The following EPB42 variants were observed in gnomAD, a reference collection of about 807,000 sequenced individuals.
EPB42 encodes erythrocyte membrane protein band 4.2, also known as protein 4.2.
EPB42 carries 49 observed loss-of-function variants against 76.9 expected under a neutral mutation model. That is an observed-to-expected ratio of 0.64 (90% CI 0.51 to 0.81). The LOEUF is 0.81. EPB42 is among the 30% of genes least tolerant of loss of function. EPB42 has a pLI of 0.00. For missense variants in EPB42, 731 were observed against 867.6 expected, an observed-to-expected ratio of 0.84 and a Z score of 1.98; for synonymous variants, 310 against 338.4, an observed-to-expected ratio of 0.92 and a Z score of 0.92.
chr15:43,207,663 A>G (rs1403586878), intron 8 of EPB42, among the ~76,000 whole-genome samples: 1 of 152,244 alleles, frequency 6.6e-6, no homozygotes, highest in East Asian at 1.9e-4. Flanking sequence ...CCCTGGCAGA[A>G]GCCCTCTCAG....
At chr15:43,208,803 G>C in intron 6 of EPB42, 28 bp from the exon 7 acceptor site, 1 of 1,611,344 alleles carries the variant, frequency 6.2e-7, no homozygotes, top group Non-Finnish European at 8.5e-7. Flanking sequence ...GAGTGTCAGG[G>C]GGCGCTTGAG....
upstream of EPB42, among the ~76,000 whole-genome samples, chr15:43,221,307 G>A (rs2042458051): frequency 2.0e-5 from 3 of 152,312 alleles, no homozygotes; most frequent in African/African-American, 4.8e-5. Flanking sequence ...GGCCCTAAAC[G>A]TGACAGGGGC....
intron 3 of EPB42, 44 bp from the exon 4 acceptor site, chr15:43,211,578 G>A: frequency 7.7e-7 from 1 of 1,299,042 alleles, no homozygotes. Context: ...GGGGTCCTAG[G>A]TCCACCCTCC....
Position 43,197,484 on chromosome 15 carries a change from A to G in EPB42, c.1914-20T>C, listed in dbSNP as rs755497036. 4 of 1,613,510 alleles carry G rather than the reference A, an allele frequency of 2.5e-6. No homozygotes were observed. Among genetic ancestry groups the G allele is most frequent in the Non-Finnish European group, 3.4e-6 (4 of 1,180,008 alleles). On this transcript the variant is annotated intron_variant, in intron 12 of 12. Transcript: ENST00000441366. ...CGGAATCTGAAATAAAGGAAAAGGC[A>G]GGTGCTAGTTCTGTCCCAGGTTCAT...
At position 43,207,354 on chromosome 15, in the gene EPB42, G is replaced by T; in HGVS notation, c.1163C>A (p.Ala388Asp). 6.2e-7 allele frequency: 1 copy of T among 1,614,172 alleles called. No homozygotes were observed. The highest frequency in any genetic ancestry group is 8.5e-7 in the Non-Finnish European group (1 of 1,180,024). Residue 388 changes from alanine to aspartate, a missense_variant, in exon 9 of 13, where the codon GCC becomes GAC. Physicochemically the swap from Ala to Asp is moderately radical, Grantham distance 126. Transcript: ENST00000441366. ...CCAGACCACACATGAGGCATTTATG[G>T]CAGCAAAAAGGTCTGACACTGCTGG... ...LTPAVSDLFAAINASCVVWKC... is the reference protein window; with the variant it reads ...LTPAVSDLFADINASCVVWKC...
Position 43,197,403 on chromosome 15 carries a change from C to T in EPB42, c.1975G>A (p.Val659Met), listed in dbSNP as rs376038930. Residue 659 changes from valine to methionine, a missense_variant, in exon 13 of 13, where the codon GTG (valine) becomes ATG (methionine). Transcript: ENST00000441366. ...CAKFQFTPTH[V>M]GLQRLTVEVD... ...TCCACAGTGAGTCTCTGGAGCCCCA[C>T]ATGTGTTGGCGTGAACTGGAACTTG... The T allele has an allele frequency of 1.9e-6, 3 of 1,614,068 alleles. No homozygotes were observed. The highest frequency in any genetic ancestry group is 2.5e-6 in the Non-Finnish European group (3 of 1,180,052).
At chr15:43,221,578 A>T (rs750989468), upstream of EPB42, among the ~76,000 whole-genome samples, 1 of 152,038 alleles carries the variant, frequency 6.6e-6, no homozygotes, top group Non-Finnish European at 1.5e-5. Context: ...CAAGAGAAGG[A>T]TCTCATATTT....
At position 43,206,178 on chromosome 15, in the gene EPB42, G is replaced by A; in HGVS notation, c.1618+152C>T. ...CAGGCCCAATAAATATGTGTTGAAT[G>A]AATGAATGAGAGAGAACATGAGAGT... On this transcript the variant is annotated intron_variant, in intron 10 of 12. Coordinates refer to ENST00000441366, the MANE Select transcript of EPB42 (RefSeq NM_001114134.2). This position sits in a 1 kb window ranked among gnomAD's most constrained non-coding sequence, Gnocchi z 4.7. The A allele has an allele frequency of 1.3e-6, 1 of 786,044 alleles. No homozygotes were observed. Among genetic ancestry groups the A allele is most frequent in the East Asian group, 2.7e-5 (1 of 36,964 alleles). 48.7% of individuals were successfully genotyped at this position (786,044 alleles called of 1,614,324 possible). A position where few individuals can be genotyped will look rare whatever the true frequency, so the allele number is the denominator to read the frequency against.
chr15:43,219,447 A>G (rs1365678632), intron 1 of EPB42, among the ~76,000 whole-genome samples: 7 of 152,204 alleles, frequency 4.6e-5, no homozygotes, highest in Admixed American at 4.6e-4. Context: ...AAGTCAGCAC[A>G]AGCCAGCTCC....
chr15:43,198,659 A>C (rs1326338149), intron 12 of EPB42, among the ~76,000 whole-genome samples: 1 of 152,240 alleles, frequency 6.6e-6, no homozygotes, highest in African/African-American at 2.4e-5. Context: ...AATTTGCATA[A>C]GTAACAAGGA....
rs1352034241 is a variant in EPB42, at chr15:43,216,453, G to A, written c.11C>T (p.Ala4Val). ...AAAGTCACAGCTCTTGATACCCAGG[G>A]CTGTTGTGGGAAAGAGAGAAGTCAC... MGQ[A>V]LGIKSCDFQA... The change falls in exon 2 of 13, where the codon GCC (alanine) becomes GTC (valine). Residue 4 changes from alanine (A) to valine (V), a missense_variant and splice_region_variant. By Grantham distance (64) the Ala-to-Val change is moderately conservative (BLOSUM62 0). Transcript: ENST00000441366. 1 of 1,614,064 alleles carries A rather than the reference G, an allele frequency of 6.2e-7. No homozygotes were observed. The highest frequency in any genetic ancestry group is 8.5e-7 in the Non-Finnish European group (1 of 1,180,020).
chr15:43,209,345 T>C lies in EPB42; in HGVS notation c.761A>G (p.Gln254Arg). The C allele has an allele frequency of 6.2e-7, 1 of 1,614,106 alleles. No individual in the cohort carries two copies. The highest frequency in any genetic ancestry group is 8.5e-7 in the Non-Finnish European group (1 of 1,180,022). ...KRRGSVPILR[Q>R]WLTGRGRPVY... is the part of the protein sequence containing the mutation. ...AGGTCGGCCTCGGCCGGTGAGCCAC[T>C]GCCGCAGGATGGGCACGCTGCCCCG... Residue 254 changes from glutamine to arginine, a missense_variant, in exon 6 of 13, where the codon CAG becomes CGG. By Grantham distance (43) the Gln-to-Arg change is conservative. Coordinates refer to ENST00000441366, the MANE Select transcript of EPB42 (RefSeq NM_001114134.2).
At chr15:43,203,067 C>T (rs2042149484) in intron 11 of EPB42, 48 bp downstream of exon 11, 3 of 1,611,768 alleles carry the variant, frequency 1.9e-6, no homozygotes, top group East Asian at 2.2e-5. Flanking sequence ...GAAATGGGGA[C>T]CTGAGTGGTG....
At chr15:43,202,475 C>A (rs2042141022) in intron 11 of EPB42, among the ~76,000 whole-genome samples, 1 of 152,198 alleles carries the variant, frequency 6.6e-6, no homozygotes, top group South Asian at 2.1e-4. Context: ...GATGTCATCT[C>A]TTTCATAAGG....
intron 10 of EPB42, among the ~76,000 whole-genome samples, chr15:43,203,481 A>G (rs1361085958): frequency 6.6e-6 from 1 of 152,148 alleles, no homozygotes; most frequent in Non-Finnish European, 1.5e-5. Flanking sequence ...TGCTCTTGGC[A>G]GACCACCTCA....
chr15:43,197,471 TA>T lies in EPB42; in HGVS notation c.1914-8del, dbSNP rs771146680. The T allele has an allele frequency of 4.3e-6, 7 of 1,613,838 alleles. No homozygotes were observed. The South Asian group carries it at 7.7e-5, about 18-fold the overall frequency. ...AGGCCACACTGAACGGAATCTGAAA[TA>T]AAGGAAAAGGCAGGTGCTAGTTCTG... On this transcript the variant is annotated splice_region_variant and splice_polypyrimidine_tract_variant and intron_variant, in intron 12 of 12. Coordinates refer to ENST00000441366, the MANE Select transcript of EPB42 (RefSeq NM_001114134.2).
chr15:43,210,982 A>G (rs111726873), intron 4 of EPB42, among the ~76,000 whole-genome samples: 1,711 of 152,152 alleles, frequency 0.011, 40 homozygotes, highest in African/African-American at 0.04. Context: ...AGGCTTCGAG[A>G]AGGTCTTGAG....
In EPB42 at chr15:43,215,192, G is replaced by A. The variant is rs753724186; in HGVS notation, c.333C>T (p.Asp111=). The A allele has an allele frequency of 8.1e-6, 13 of 1,614,090 alleles. No individual in the cohort carries two copies. The East Asian group carries it at 1.1e-4, about 14-fold the overall frequency. ...SWTISVTTPA[D]AVIGHYSLLL... ...GAAGCGAGTAGTGGCCAATGACAGC[G>A]TCCGCAGGTGTGGTCACAGAGATGG... Residue 111 remains aspartate (D), a synonymous_variant, in exon 3 of 13, where the codon GAC becomes GAT. Transcript: ENST00000441366.
At position 43,210,317 on chromosome 15, in the gene EPB42, C is replaced by T. The variant is rs200274212; in HGVS notation, c.654+18G>A. On this transcript the variant is annotated intron_variant, in intron 5 of 12. Transcript: ENST00000441366. ...TTCTCACCCCTGCCCCATTCTGGTT[C>T]CCCAGCCTCTCGCTTACCAAGGCAC... is the stretch of plus-strand genomic sequence containing the variant. 5.6e-6 allele frequency: 9 copies of T among 1,610,202 alleles called. No individual in the cohort carries two copies. The Admixed American group carries it at 1.0e-4, about 18-fold the overall frequency.
Sources: gnomAD v4.1 joint callset for allele counts (sites outside exome capture counted in the v4.1 genomes callset) on GRCh38, gnomAD v4.1.1 for gene constraint, Gnocchi (gnomAD v3.1) non-coding constraint, MANE v1.5 for transcripts, NCBI Gene and HGNC (gene_info 2026-07-23, HGNC 2026-07-21) for gene names.